STAB2: variants seen among roughly 807,000 people sequenced by gnomAD.
STAB2 encodes the protein stabilin-2.
STAB2 carries 288 observed loss-of-function variants against 338.1 expected under a neutral mutation model. The ratio of observed to expected loss-of-function variants is 0.85; its 90% confidence interval spans 0.77 to 0.94. STAB2 has a LOEUF of 0.94. Ranked by LOEUF, STAB2 falls within the 40% of genes least tolerant of loss-of-function variation. The pLI is 0.00. For missense variants in STAB2, 3,141 were observed against 3,210.1 expected, an observed-to-expected ratio of 0.98 and a Z score of 0.52; for synonymous variants, 1,202 against 1,193.3, an observed-to-expected ratio of 1.01 and a Z score of -0.15.
At chr12:103,746,774 C>G in intron 58 of STAB2, 70 bp downstream of exon 58, 1 of 1,491,608 alleles carries the variant, frequency 6.7e-7, no homozygotes, top group Non-Finnish European at 9.3e-7. Flanking sequence ...GCTCACAGTG[C>G]CTGGGCTTCA....
rs1475066379 is a variant in STAB2, at chr12:103,620,638, C to A, written c.417+85C>A. On this transcript the variant is annotated intron_variant, in intron 4 of 68. Coordinates refer to ENST00000388887, the MANE Select transcript of STAB2 (RefSeq NM_017564.10). ...GATCCTCCTTAAACACACACACACA[C>A]ACACACACACACACACGTGCACACA... 4.0e-6 allele frequency: 4 copies of A among 1,010,190 alleles called. No individual in the cohort carries two copies. The African/African-American group carries it at 6.4e-5, about 16-fold the overall frequency. The allele number at this position is 1,010,190 out of a possible 1,614,324, so 62.6% of individuals were successfully genotyped here. A position where few individuals can be genotyped will look rare whatever the true frequency, so the allele number is the denominator to read the frequency against.
rs1483220522 is a variant in STAB2 at position 103,594,421 on chromosome 12, C to G, written c.242C>G (p.Ser81Cys). 2.5e-6 allele frequency: 4 copies of G among 1,613,786 alleles called. No homozygotes were observed. Among genetic ancestry groups the G allele is most frequent in the South Asian group, 1.1e-5 (1 of 91,066 alleles). The change falls in exon 3 of 69, where the codon TCT (serine) becomes TGT (cysteine). Residue 81 changes from serine to cysteine, a missense_variant. Physicochemically the swap from Ser to Cys is moderately radical, Grantham distance 112. Coordinates refer to ENST00000388887, the MANE Select transcript of STAB2 (RefSeq NM_017564.10). ...TACACCTTTGAGGTCAGAACATACT[C>G]TCTGTCTCTCCCCGGATGCCGCCAT... is the stretch of plus-strand genomic sequence containing the variant. Reference protein sequence around the residue: ...CRYTFEVRTYSLSLPGCRHIC... With the variant: ...CRYTFEVRTYCLSLPGCRHIC...
chr12:103,712,955 G>T (rs1880002828), intron 41 of STAB2, among the ~76,000 whole-genome samples: 1 of 152,136 alleles, frequency 6.6e-6, no homozygotes, highest in Non-Finnish European at 1.5e-5. Flanking sequence ...TTGCAGAGTG[G>T]TTTTGAGGTT....
chr12:103,758,438 C>G (rs1884295391), intron 64 of STAB2, 149 bp downstream of exon 64: 2 of 1,346,042 alleles, frequency 1.5e-6, no homozygotes, highest in South Asian at 1.4e-5. Context: ...CTCCCTTGGT[C>G]TTGGCACACT....
intron 18 of STAB2, 32 bp from the exon 19 acceptor site, chr12:103,666,259 C>G: frequency 6.2e-7 from 1 of 1,610,266 alleles, no homozygotes; most frequent in Non-Finnish European, 8.5e-7. Context: ...CTCATAGGGA[C>G]ACCTGCACTG....
intron 55 of STAB2, among the ~76,000 whole-genome samples, chr12:103,741,309 C>G (rs1882566670): frequency 6.6e-6 from 1 of 152,190 alleles, no homozygotes; most frequent in Non-Finnish European, 1.5e-5. Flanking sequence ...GTGCACGTAA[C>G]AAATGCCTCA....
intron 18 of STAB2, 38 bp downstream of exon 18, chr12:103,663,036 G>T (rs903791982): frequency 6.2e-7 from 1 of 1,608,614 alleles, no homozygotes; most frequent in Non-Finnish European, 8.5e-7. Context: ...GCCCCAAACA[G>T]CCCCTCAGAG....
In STAB2 at chr12:103,763,629, AG is replaced by A. The variant is rs1884703354; in HGVS notation, c.7605+23del. 8 of 1,600,800 alleles carry A rather than the reference AG, an allele frequency of 5.0e-6. No homozygotes were observed. The South Asian group carries it at 8.8e-5, about 18-fold the overall frequency. Reference sequence around the variant, plus strand: ...TCACGGTGAGTTTGCATTCTTATCTAGGAATAGGTTCCCTTGGGGTACAGGG... The same window carrying A: ...TCACGGTGAGTTTGCATTCTTATCTAGAATAGGTTCCCTTGGGGTACAGGG... On this transcript the variant is annotated intron_variant, in intron 68 of 68. Transcript: ENST00000388887.
chr12:103,646,620 A>G (rs963581346), intron 9 of STAB2, among the ~76,000 whole-genome samples: 2 of 152,208 alleles, frequency 1.3e-5, no homozygotes, highest in African/African-American at 2.4e-5. Flanking sequence ...TTTCAGGTCC[A>G]TCCTTAGCAT....
At chr12:103,614,156 G>C (rs576213625) in intron 3 of STAB2, among the ~76,000 whole-genome samples, 1 of 152,166 alleles carries the variant, frequency 6.6e-6, no homozygotes, top group Admixed American at 6.5e-5. Flanking sequence ...AAGTTTTATT[G>C]AATTCAGACA....
chr12:103,765,995 A>G (rs1884928259), intron 68 of STAB2: 3 of 544,678 alleles, frequency 5.5e-6, no homozygotes, highest in Non-Finnish European at 1.0e-5. Flanking sequence ...TAATCCTCCT[A>G]CCTCCCTGTG....
chr12:103,720,528 G>A (rs975653896), intron 44 of STAB2, among the ~76,000 whole-genome samples: 4 of 152,180 alleles, frequency 2.6e-5, no homozygotes, highest in Non-Finnish European at 4.4e-5. Flanking sequence ...GAATTTGTAT[G>A]TAAATTTTAC....
At chr12:103,645,378 A>G (rs138486958) in intron 9 of STAB2, among the ~76,000 whole-genome samples, 4 of 152,370 alleles carry the variant, frequency 2.6e-5, no homozygotes, top group African/African-American at 9.6e-5. Flanking sequence ...CACTGAGGCC[A>G]TAAAAATATG....
chr12:103,600,031 G>A (rs545450158), intron 3 of STAB2, among the ~76,000 whole-genome samples: 4 of 152,222 alleles, frequency 2.6e-5, no homozygotes, highest in South Asian at 2.1e-4. Context: ...AAATTACCTC[G>A]CTTCAGTATT....
chr12:103,753,019 A>T (rs533863573), intron 60 of STAB2, among the ~76,000 whole-genome samples: 1 of 152,380 alleles, frequency 6.6e-6, no homozygotes, highest in East Asian at 1.9e-4. Context: ...CCTAATTTCT[A>T]CAATGAACAT....
At chr12:103,723,116 G>A (rs978664696) in intron 44 of STAB2, among the ~76,000 whole-genome samples, 1 of 152,202 alleles carries the variant, frequency 6.6e-6, no homozygotes, top group African/African-American at 2.4e-5. Flanking sequence ...TGAGGCACAA[G>A]TGGGGCTCAT....
chr12:103,692,105 G>A (rs990433195), intron 30 of STAB2, among the ~76,000 whole-genome samples: 5 of 152,340 alleles, frequency 3.3e-5, no homozygotes, highest in Middle Eastern at 6.8e-3. Context: ...AAGGCCAGAA[G>A]TCCAAGATCA....
intron 17 of STAB2, 85 bp from the exon 18 acceptor site, chr12:103,662,761 G>T (rs1874731006): frequency 6.6e-7 from 1 of 1,503,946 alleles, no homozygotes; most frequent in South Asian, 1.4e-5. Context: ...TAGCAAAGTT[G>T]CCACCATTCA....
Position 103,695,602 on chromosome 12 carries a change from G to A in STAB2, c.3428G>A (p.Arg1143Gln), listed in dbSNP as rs182960938. The change falls in exon 32 of 69, where the codon CGG becomes CAG. Residue 1143 changes from arginine to glutamine, a missense_variant. Transcript: ENST00000388887. ...GGCTCCTTACCAAACCTGCTCATGC[G>A]GCTGGAACAGATGCCTGACTATTCC... ...LTGSLPNLLM[R>Q]LEQMPDYSIF... 5.1e-5 allele frequency: 83 copies of A among 1,614,132 alleles called. No homozygotes were observed. The highest frequency in any genetic ancestry group is 6.3e-5 in the Non-Finnish European group (74 of 1,180,010).
Sources: gnomAD v4.1 joint callset for allele counts (sites outside exome capture counted in the v4.1 genomes callset) on GRCh38, gnomAD v4.1.1 for gene constraint, MANE v1.5 for transcripts, NCBI Gene and HGNC (gene_info 2026-07-23, HGNC 2026-07-21) for gene names.